The following MAP7D3 variants were observed in gnomAD, a reference collection of about 807,000 sequenced individuals.
The protein encoded by MAP7D3 is MAP7 domain-containing protein 3.
Under a neutral mutation model 62.2 loss-of-function variants are expected in MAP7D3, and 45 were observed. The ratio of observed to expected loss-of-function variants is 0.72; its 90% confidence interval spans 0.57 to 0.93. The LOEUF (loss-of-function observed/expected upper bound fraction) is 0.93, where lower values mean the gene tolerates loss of function less well. MAP7D3 is among the 40% of genes least tolerant of loss of function. The pLI is 0.00. For synonymous variants in MAP7D3, 288 were observed against 248.8 expected, an observed-to-expected ratio of 1.16 and a Z score of -1.48; for missense variants, 711 against 683.1, an observed-to-expected ratio of 1.04 and a Z score of -0.45.
chrX:136,247,735 G>A (rs2074464087), intron 1 of MAP7D3, among the ~76,000 whole-genome samples: 1 of 110,617 alleles, frequency 9.0e-6, no homozygotes, highest in South Asian at 3.8e-4. Context: ...CTGAATTTGA[G>A]CACTAGTATA....
chrX:136,223,118 C>T (rs1399666312), intron 14 of MAP7D3, among the ~76,000 whole-genome samples: 4 of 111,136 alleles, frequency 3.6e-5, no homozygotes, highest in African/African-American at 1.3e-4. Context: ...CTGGGATTAC[C>T]AGCGTGAGCC....
intron 16 of MAP7D3, 22 bp from the exon 17 acceptor site, chrX:136,219,693 A>G: frequency 8.8e-7 from 1 of 1,132,996 alleles, no homozygotes; most frequent in South Asian, 1.8e-5. Flanking sequence ...CAGTTTGGTT[A>G]GAATCCCAAT....
Position 136,245,563 on chromosome X carries a change from C to A in MAP7D3, c.253+502G>T, listed in dbSNP as rs5974588. 9.3e-3 allele frequency among the ~76,000 whole-genome samples: 1,026 copies of A among 110,811 alleles called. 11 individuals are homozygous for A. Among genetic ancestry groups the A allele is most frequent in the African/African-American group, 0.032 (972 of 30,467 alleles). On this transcript the variant is annotated intron_variant, in intron 3 of 18. Transcript: ENST00000316077. ...GAGATCAAGACCACCCGGGCTAACA[C>A]GATGAAACCCCGTCTCTACCAAAAA... is the stretch of plus-strand genomic sequence containing the variant.
chrX:136,227,201 A>C, intron 12 of MAP7D3, 83 bp downstream of exon 12: 5 of 853,891 alleles, frequency 5.9e-6, no homozygotes, highest in African/African-American at 2.0e-5. Flanking sequence ...CTTCTTTCTC[A>C]GAGACAGAGA....
At chrX:136,230,685 G>T in intron 9 of MAP7D3, 92 bp from the exon 10 acceptor site, 1 of 881,618 alleles carries the variant, frequency 1.1e-6, no homozygotes, top group Non-Finnish European at 1.6e-6. Context: ...TTATAATCAG[G>T]GAATTTTTCT....
Position 136,234,278 on chromosome X carries a change from T to C in MAP7D3, c.736+1966A>G, listed in dbSNP as rs185820759. Among the ~76,000 whole-genome samples the C allele has an allele frequency of 4.5e-5, 5 of 111,254 alleles. No homozygotes were observed. In the East Asian group the frequency reaches 1.4e-3, roughly 31 times the overall value. On this transcript the variant is annotated intron_variant, in intron 7 of 18. Transcript: ENST00000316077. Reference sequence around the variant, plus strand: ...TGCTATCCAAAGGCAAGTCTAATGCTATATGTAAACTATAAATGAGAAAGT... The same window carrying C: ...TGCTATCCAAAGGCAAGTCTAATGCCATATGTAAACTATAAATGAGAAAGT...
intron 18 of MAP7D3, 113 bp from the exon 19 acceptor site, chrX:136,218,606 G>A (rs763557905): frequency 1.8e-5 from 2 of 111,851 alleles, no homozygotes; most frequent in Non-Finnish European, 3.8e-5. Flanking sequence ...CAGCCCCTCT[G>A]GAGTTGCTGA....
At chrX:136,249,084 T>C (rs749756345) in intron 1 of MAP7D3, among the ~76,000 whole-genome samples, 2 of 111,657 alleles carry the variant, frequency 1.8e-5, no homozygotes, top group East Asian at 5.6e-4. Flanking sequence ...CTGGAGACAA[T>C]TTTCTACCAT....
rs922866667 is a variant in MAP7D3 at position 136,226,011 on chromosome X, T to G, written c.2037A>C (p.Lys679Asn). ...DQEDQEAPLQ[K>N]GDAKIKAQEE... ...CTTGAGCTTTTATTTTGGCGTCCCCTTTCTAGGAAATTTGCATAAAAATAT... is the reference window on the plus strand; with the variant it reads ...CTTGAGCTTTTATTTTGGCGTCCCCGTTCTAGGAAATTTGCATAAAAATAT... The change falls in exon 13 of 19, where the codon AAA (lysine) becomes AAC (asparagine). Residue 679 changes from lysine (K) to asparagine (N), a missense_variant and splice_region_variant. Physicochemically the swap from Lys to Asn is moderately conservative, Grantham distance 94. Coordinates refer to ENST00000316077, the MANE Select transcript of MAP7D3 (RefSeq NM_024597.4). The G allele has an allele frequency of 1.7e-6, 2 of 1,172,787 alleles. No homozygotes were observed. Among genetic ancestry groups the G allele is most frequent in the East Asian group, 6.0e-5 (2 of 33,562 alleles).
rs761764817 is a variant in MAP7D3 at position 136,231,920 on chromosome X, G to A, written c.1037C>T (p.Ser346Leu). ...DSFPVVSVDVSPVVSTYDSEM... is the reference protein window; with the variant it reads ...DSFPVVSVDVLPVVSTYDSEM... The stretch of plus-strand genomic sequence containing the variant: ...AGAATCATATGTGCTCACCACAGGC[G>A]ACACGTCCACGCTCACCACAGGGAA... Residue 346 changes from serine (S) to leucine (L), a missense_variant, in exon 8 of 19, where the codon TCG becomes TTG. Ser to Leu is a moderately radical substitution (Grantham distance 145). Coordinates refer to ENST00000316077, the MANE Select transcript of MAP7D3 (RefSeq NM_024597.4). 1.7e-6 allele frequency: 2 copies of A among 1,209,333 alleles called. No homozygotes were observed. The highest frequency in any genetic ancestry group is 3.0e-5 in the East Asian group (1 of 33,709).
intron 1 of MAP7D3, among the ~76,000 whole-genome samples, chrX:136,250,708 G>T (rs895376025): frequency 8.9e-6 from 1 of 112,183 alleles, no homozygotes; most frequent in Non-Finnish European, 1.9e-5. Flanking sequence ...GGTGCAGGAG[G>T]TAAGCCTTTG....
intron 1 of MAP7D3, among the ~76,000 whole-genome samples, chrX:136,247,727 G>A (rs987076075): frequency 9.1e-6 from 1 of 109,714 alleles, no homozygotes; most frequent in Non-Finnish European, 1.9e-5. Flanking sequence ...ATTATTTTCT[G>A]AATTTGAGCA....
rs75947709 is a variant in MAP7D3, at chrX:136,221,115, C to G, written c.2288-152G>C. On this transcript the variant is annotated intron_variant, in intron 15 of 18. Transcript: ENST00000316077. The stretch of plus-strand genomic sequence containing the variant: ...CAGTACTCCTGGGAGGCAGGCCCAG[C>G]AGTCACAGAGTTTCCCAAGCCATGT... 8.7e-4 allele frequency: 412 copies of G among 472,248 alleles called. 2 individuals are homozygous for G. Among genetic ancestry groups the G allele is most frequent in the Non-Finnish European group, 1.3e-3 (362 of 273,847 alleles). 38.9% of individuals were successfully genotyped at this position (472,248 alleles called of 1,213,427 possible).
intron 10 of MAP7D3, among the ~76,000 whole-genome samples, chrX:136,229,917 T>C (rs1219752542): frequency 3.0e-5 from 3 of 100,377 alleles, no homozygotes; most frequent in Non-Finnish European, 6.0e-5. Context: ...TAACCGAATA[T>C]ATAGCCTACC....
chrX:136,223,617 T>C (rs2074156838), intron 14 of MAP7D3, among the ~76,000 whole-genome samples: 1 of 110,283 alleles, frequency 9.1e-6, no homozygotes, highest in Admixed American at 9.7e-5. Context: ...GGTGACAAAA[T>C]AGGAAAATGG....
upstream of MAP7D3, among the ~76,000 whole-genome samples, chrX:136,254,269 G>T (rs914465898): frequency 9.2e-6 from 1 of 108,292 alleles, no homozygotes; most frequent in African/African-American, 3.4e-5. Flanking sequence ...ATTTTTAGTA[G>T]AGACGGGGTT....
intron 11 of MAP7D3, among the ~76,000 whole-genome samples, chrX:136,227,893 G>C (rs1023241386): frequency 4.5e-5 from 5 of 111,578 alleles, no homozygotes; most frequent in African/African-American, 1.6e-4. Flanking sequence ...TCAAGTTAGA[G>C]GTTTTTTTTG....
At chrX:136,252,104 A>G (rs757118870), upstream of MAP7D3, among the ~76,000 whole-genome samples, 46 of 111,717 alleles carry the variant, frequency 4.1e-4, no homozygotes, top group Non-Finnish European at 7.2e-4. Flanking sequence ...GGCAGACCTC[A>G]CTTCATGGGG....
upstream of MAP7D3, chrX:136,255,956 C>T (rs2074549433): frequency 2.3e-6 from 1 of 440,327 alleles, no homozygotes; most frequent in African/African-American, 2.7e-5. Flanking sequence ...ATTGAACTTA[C>T]ATATAATAAA....
Sources: gnomAD v4.1 joint callset for allele counts (sites outside exome capture counted in the v4.1 genomes callset) on GRCh38, gnomAD v4.1.1 for gene constraint, MANE v1.5 for transcripts, NCBI Gene and HGNC (gene_info 2026-07-23, HGNC 2026-07-21) for gene names.